The following GLI3 variants were observed in gnomAD, a reference collection of about 807,000 sequenced individuals.
GLI3 encodes transcription activator GLI3.
GLI3 carries 20 observed loss-of-function variants against 100.8 expected under a neutral mutation model. The observed-to-expected ratio is 0.20, with a 90% confidence interval of 0.14 to 0.29. The LOEUF is 0.29. Ranked by LOEUF, GLI3 falls within the 10% of genes least tolerant of loss-of-function variation. GLI3 has a pLI of 1.00. For synonymous variants in GLI3, 938 were observed against 860.5 expected (o/e 1.09, Z -1.58); for missense variants, 2,040 against 2,128.5 (o/e 0.96, Z 0.82).
In GLI3 at chr7:41,966,753, G is replaced by T; in HGVS notation, c.2432-112C>A. The T allele has an allele frequency of 9.2e-7, 1 of 1,090,134 alleles. No homozygotes were observed. Among genetic ancestry groups the T allele is most frequent in the Non-Finnish European group, 1.4e-6 (1 of 726,080 alleles). 67.5% of individuals were successfully genotyped at this position (1,090,134 alleles called of 1,614,324 possible). On this transcript the variant is annotated intron_variant, in intron 14 of 14. Transcript: ENST00000395925. The surrounding 1 kb of genome is among the most constrained non-coding windows in gnomAD (Gnocchi z 5.8). ...AAGGGCCAGCTAGGAACTATTTCTG[G>T]TGTCCCAGGCCACATTGCCTGCCTC...
intron 5 of GLI3, among the ~76,000 whole-genome samples, chr7:42,047,650 C>T (rs1784271091): frequency 6.6e-6 from 1 of 152,174 alleles, no homozygotes; most frequent in Non-Finnish European, 1.5e-5. Context: ...CAGGAGAATA[C>T]ACAGCTCCAA....
At chr7:42,125,464 T>C (rs1186110266) in intron 3 of GLI3, among the ~76,000 whole-genome samples, 1 of 152,150 alleles carries the variant, frequency 6.6e-6, no homozygotes, top group Non-Finnish European at 1.5e-5. Flanking sequence ...GGCAATCCCT[T>C]ATCTCGGCTC....
At chr7:41,981,794 G>A (rs1787674979) in intron 10 of GLI3, among the ~76,000 whole-genome samples, 1 of 152,192 alleles carries the variant, frequency 6.6e-6, no homozygotes, top group South Asian at 2.1e-4. Flanking sequence ...TGGTGTTGAG[G>A]GATCCGGCAC....
Position 42,001,688 on chromosome 7 carries a change from A to G in GLI3, c.1497+21780T>C, listed in dbSNP as rs1282718916. On this transcript the variant is annotated intron_variant, in intron 10 of 14. Transcript: ENST00000395925. Reference sequence around the variant, plus strand: ...ATGAGGGAACCCAGCGTTGAAGTCAACTAACACACAGGGCAAAATATGAAA... The same window carrying G: ...ATGAGGGAACCCAGCGTTGAAGTCAGCTAACACACAGGGCAAAATATGAAA... Among the ~76,000 whole-genome samples, 3 of 152,254 alleles carry G rather than the reference A, an allele frequency of 2.0e-5. No homozygotes were observed. In the East Asian group the frequency reaches 5.8e-4, roughly 29 times the overall value.
chr7:42,176,702 C>G (rs572578838), intron 2 of GLI3, among the ~76,000 whole-genome samples: 61 of 152,320 alleles, frequency 4.0e-4, no homozygotes, highest in African/African-American at 1.3e-3. Context: ...AGAAACTATT[C>G]CCTGAATCTT....
Position 41,962,873 on chromosome 7 carries a change from A to ACAGTTTAT in GLI3, c.*1449_*1456dup, listed in dbSNP as rs1787045472. ...GGTAGCCTGAGGTGTTAATATTTTA[A>ACAGTTTAT]CAGTTTATATAATTTTTTAAAGCAA... is the stretch of plus-strand genomic sequence containing the variant. On this transcript the variant is annotated 3_prime_UTR_variant, in exon 15 of 15. Coordinates refer to ENST00000395925, the MANE Select transcript of GLI3 (RefSeq NM_000168.6). 6.6e-6 allele frequency: 1 copy of ACAGTTTAT among 152,174 alleles called. No individual in the cohort carries two copies. The highest frequency in any genetic ancestry group is 2.4e-5 in the African/African-American group (1 of 41,448). The allele number at this position is 152,174 out of a possible 1,614,324, so 9.4% of individuals were successfully genotyped here.
chr7:42,181,286 A>G (rs1787586410), intron 2 of GLI3, among the ~76,000 whole-genome samples: 1 of 152,210 alleles, frequency 6.6e-6, no homozygotes, highest in Non-Finnish European at 1.5e-5. Context: ...AATGGGTAAC[A>G]TGACTTAAAT....
At chr7:42,194,251 G>A (rs1787882592) in intron 2 of GLI3, among the ~76,000 whole-genome samples, 1 of 152,138 alleles carries the variant, frequency 6.6e-6, no homozygotes, top group Admixed American at 6.5e-5. Context: ...TAAGCTTAGA[G>A]GATAATTAAT....
At chr7:42,257,401 G>T (rs1227312648) in intron 1 of GLI3, among the ~76,000 whole-genome samples, 2 of 149,250 alleles carry the variant, frequency 1.3e-5, no homozygotes, top group African/African-American at 5.0e-5. Context: ...TGTCGCCCAG[G>T]CTGGAGTGCA....
At chr7:42,030,696 G>GTT (rs201325272) in intron 7 of GLI3, among the ~76,000 whole-genome samples, 49 of 133,458 alleles carry the variant, frequency 3.7e-4, no homozygotes, top group South Asian at 3.5e-3. Flanking sequence ...TTGTTGATTT[G>GTT]TTTTTTTTTT....
At chr7:41,981,962 G>T (rs1480606415) in intron 10 of GLI3, among the ~76,000 whole-genome samples, 1 of 152,128 alleles carries the variant, frequency 6.6e-6, no homozygotes, top group African/African-American at 2.4e-5. Context: ...CAGTCAGCAA[G>T]CATGAACACC....
At chr7:42,071,993 G>T (rs1353060921) in intron 4 of GLI3, among the ~76,000 whole-genome samples, 1 of 152,148 alleles carries the variant, frequency 6.6e-6, no homozygotes, top group East Asian at 1.9e-4. Context: ...AAAAAAAAAG[G>T]GCTGACGTAC....
intron 1 of GLI3, among the ~76,000 whole-genome samples, chr7:42,236,531 C>CT (rs1202774368): frequency 2.6e-5 from 4 of 152,190 alleles, no homozygotes; most frequent in Non-Finnish European, 5.9e-5. Context: ...CCCACCATGC[C>CT]TCCCGCCTCC....
chr7:41,992,063 A>C (rs1472510990), intron 10 of GLI3, among the ~76,000 whole-genome samples: 1 of 152,198 alleles, frequency 6.6e-6, no homozygotes. Flanking sequence ...AGCAGGTTTT[A>C]AGCAGGGCAA....
At chr7:42,152,236 C>T in intron 2 of GLI3, 1 of 193,684 alleles carries the variant, frequency 5.2e-6, no homozygotes, top group Non-Finnish European at 9.4e-6. Context: ...TACACGTGTT[C>T]ACCCCCTTTT....
At chr7:42,246,651 G>T (rs564959866) in intron 1 of GLI3, among the ~76,000 whole-genome samples, 2 of 145,876 alleles carry the variant, frequency 1.4e-5, no homozygotes, top group Admixed American at 1.4e-4. Flanking sequence ...ACACTACATT[G>T]GACTCATGAC....
intron 12 of GLI3, among the ~76,000 whole-genome samples, chr7:41,973,005 A>C (rs34371450): frequency 9.9e-5 from 15 of 152,220 alleles, no homozygotes; most frequent in Non-Finnish European, 1.9e-4. Context: ...AGATGGCTTA[A>C]AAGACACCCA....
chr7:42,116,439 C>T (rs920473912), intron 3 of GLI3, among the ~76,000 whole-genome samples: 1 of 149,306 alleles, frequency 6.7e-6, no homozygotes, highest in East Asian at 2.0e-4. Flanking sequence ...AACTGAAAAG[C>T]TTCATTAATA....
chr7:42,191,810 G>C (rs1324743372), intron 2 of GLI3, among the ~76,000 whole-genome samples: 1 of 151,974 alleles, frequency 6.6e-6, no homozygotes, highest in African/African-American at 2.4e-5. Flanking sequence ...ACCAAGACTT[G>C]GAAGAATTAA....
Sources: gnomAD v4.1 joint callset for allele counts (sites outside exome capture counted in the v4.1 genomes callset) on GRCh38, gnomAD v4.1.1 for gene constraint, Gnocchi (gnomAD v3.1) non-coding constraint, MANE v1.5 for transcripts, NCBI Gene and HGNC (gene_info 2026-07-23, HGNC 2026-07-21) for gene names.